The following BMPR1B variants were observed in gnomAD, a reference collection of about 807,000 sequenced individuals.
BMPR1B encodes bone morphogenetic protein receptor type 1B.
Under a neutral mutation model 59.1 loss-of-function variants are expected in BMPR1B, and 12 were observed. The ratio of observed to expected loss-of-function variants is 0.20; its 90% CI spans 0.13 to 0.33. The LOEUF (loss-of-function observed/expected upper bound fraction) is 0.33, where lower values mean the gene tolerates loss of function less well. Ranked by LOEUF, BMPR1B falls within the 10% of genes least tolerant of loss-of-function variation. BMPR1B has a pLI of 1.00. For missense variants in BMPR1B, 550 were observed against 610.9 expected (o/e 0.90, Z 1.05); for synonymous variants, 237 against 207.3 (o/e 1.14, Z -1.23).
intron 3 of BMPR1B, among the ~76,000 whole-genome samples, chr4:95,014,073 A>G (rs1419942726): frequency 1.3e-5 from 2 of 152,154 alleles, no homozygotes; most frequent in African/African-American, 4.8e-5. Context: ...TTTGTTTATT[A>G]CTGTTTATCT....
intron 3 of BMPR1B, among the ~76,000 whole-genome samples, chr4:95,039,995 C>T (rs1725537136): frequency 6.6e-6 from 1 of 152,100 alleles, no homozygotes. Context: ...TTCCTGAAAC[C>T]TTTATATTTC....
chr4:94,903,329 G>T (rs1271988360), intron 2 of BMPR1B, among the ~76,000 whole-genome samples: 1 of 151,672 alleles, frequency 6.6e-6, no homozygotes, highest in Non-Finnish European at 1.5e-5. Flanking sequence ...AGACAGAAAA[G>T]AATGAACTTA....
At chr4:95,081,873 T>C (rs569651564) in intron 3 of BMPR1B, among the ~76,000 whole-genome samples, 1 of 152,308 alleles carries the variant, frequency 6.6e-6, no homozygotes, top group East Asian at 1.9e-4. Context: ...TCCAGTTTCT[T>C]CTGTTAAATT....
Position 95,156,279 on chromosome 4 carries a change from A to C in BMPR1B, c.*1606A>C, listed in dbSNP as rs1042501875. ...TCTTTTGCTTCTTAGAAATTCTGTT[A>C]GTGGTTAGTAAAGAATTTGAAAGTA... is the stretch of plus-strand genomic sequence containing the variant. On this transcript the variant is annotated 3_prime_UTR_variant, in exon 13 of 13. Coordinates refer to ENST00000515059, the MANE Select transcript of BMPR1B (RefSeq NM_001203.3). 5 of 149,412 alleles carry C rather than the reference A, an allele frequency of 3.3e-5. No individual in the cohort carries two copies. Among genetic ancestry groups the C allele is most frequent in the African/African-American group, 1.2e-4 (5 of 40,676 alleles). 9.3% of individuals were successfully genotyped at this position (149,412 alleles called of 1,614,324 possible).
chr4:94,952,555 T>C (rs1438613224), intron 2 of BMPR1B, among the ~76,000 whole-genome samples: 3 of 152,216 alleles, frequency 2.0e-5, no homozygotes, highest in Non-Finnish European at 4.4e-5. Context: ...TCAGTTTCCA[T>C]GTAGTTGTGC....
intron 1 of BMPR1B, among the ~76,000 whole-genome samples, chr4:94,852,313 T>G (rs950580028): frequency 8.5e-5 from 13 of 152,242 alleles, no homozygotes; most frequent in Admixed American, 8.5e-4. Context: ...GGAAGAAAAG[T>G]TATTTAAACT....
intron 2 of BMPR1B, among the ~76,000 whole-genome samples, chr4:94,902,074 T>G: frequency 7.6e-6 from 1 of 131,470 alleles, no homozygotes; most frequent in Non-Finnish European, 1.7e-5. Flanking sequence ...TGTGTGTGTG[T>G]GTGTGTGTGT....
intron 10 of BMPR1B, among the ~76,000 whole-genome samples, chr4:95,135,365 A>T (rs7693589): frequency 6.6e-6 from 1 of 151,862 alleles, no homozygotes; most frequent in Non-Finnish European, 1.5e-5. Context: ...GGTTCCATAT[A>T]AACTTTAAAG....
At chr4:95,013,364 G>A (rs1723356256) in intron 3 of BMPR1B, among the ~76,000 whole-genome samples, 2 of 152,070 alleles carry the variant, frequency 1.3e-5, no homozygotes, top group South Asian at 4.1e-4. Context: ...GAGAAATCAT[G>A]GACATTTGCT....
intron 2 of BMPR1B, among the ~76,000 whole-genome samples, chr4:94,910,045 CA>C (rs1330307674): frequency 6.8e-6 from 1 of 147,044 alleles, no homozygotes. Flanking sequence ...ACTCCGTCTC[CA>C]AAAAAAACAA....
intron 3 of BMPR1B, among the ~76,000 whole-genome samples, chr4:95,010,515 C>T (rs1008476007): frequency 2.0e-5 from 3 of 152,094 alleles, no homozygotes; most frequent in Admixed American, 2.0e-4. Flanking sequence ...CATTAGTTGT[C>T]CCACTTCATT....
At chr4:94,767,597 A>C (rs576200661) in intron 1 of BMPR1B, among the ~76,000 whole-genome samples, 40 of 152,302 alleles carry the variant, frequency 2.6e-4, no homozygotes, top group African/African-American at 8.9e-4. Context: ...AAATGAAAAT[A>C]TTTAAACCCT....
chr4:94,841,378 G>A (rs545894749), intron 1 of BMPR1B, among the ~76,000 whole-genome samples: 1 of 150,792 alleles, frequency 6.6e-6, no homozygotes, highest in Admixed American at 6.6e-5. Context: ...CCGCCTTGCA[G>A]TTTGATCTCA....
intron 2 of BMPR1B, among the ~76,000 whole-genome samples, chr4:94,937,583 T>C (rs979443960): frequency 1.3e-5 from 2 of 152,230 alleles, no homozygotes; most frequent in Non-Finnish European, 2.9e-5. Context: ...TTGTTCCTTA[T>C]TCTGTTTAGG....
chr4:94,770,144 AT>A (rs1722117411), intron 1 of BMPR1B, among the ~76,000 whole-genome samples: 1 of 106,366 alleles, frequency 9.4e-6, no homozygotes, highest in Non-Finnish European at 1.9e-5. Context: ...TCACCTGATC[AT>A]TTGTTTTTAT....
chr4:95,145,156 G>A (rs1386036444), intron 10 of BMPR1B, among the ~76,000 whole-genome samples: 3 of 152,152 alleles, frequency 2.0e-5, no homozygotes, highest in Admixed American at 2.0e-4. Context: ...GTTGAAGATA[G>A]CCCTGTTGCA....
chr4:95,060,413 A>G, intron 3 of BMPR1B, among the ~76,000 whole-genome samples: 1 of 152,352 alleles, frequency 6.6e-6, no homozygotes, highest in African/African-American at 2.4e-5. Flanking sequence ...AAAATATTTT[A>G]TCAGCATGAT....
intron 1 of BMPR1B, among the ~76,000 whole-genome samples, chr4:94,805,389 A>C (rs1327025403): frequency 6.6e-6 from 1 of 152,180 alleles, no homozygotes; most frequent in Non-Finnish European, 1.5e-5. Context: ...TGTCTTTATA[A>C]AATTTCATTT....
At chr4:94,946,978 G>A (rs1198543943) in intron 2 of BMPR1B, among the ~76,000 whole-genome samples, 2 of 152,050 alleles carry the variant, frequency 1.3e-5, no homozygotes, top group Non-Finnish European at 2.9e-5. Context: ...CCTGAACCGG[G>A]GAGGCAGAGG....
Sources: allele counts gnomAD v4.1 joint callset (sites outside exome capture counted in the v4.1 genomes callset), GRCh38; gene constraint gnomAD v4.1.1; transcripts MANE v1.5; gene names NCBI Gene and HGNC (gene_info 2026-07-23, HGNC 2026-07-21).